The following RAD54B variants were observed in gnomAD, a reference collection of about 807,000 sequenced individuals.
RAD54B encodes RAD54 homolog B, also known as DNA repair and recombination protein RAD54B.
In RAD54B, 78 loss-of-function variants were observed where a neutral mutation model predicts 95.8. That is an observed-to-expected ratio of 0.81 (90% CI 0.68 to 0.98). The LOEUF is 0.98. RAD54B is among the 50% of genes least tolerant of loss of function. RAD54B has a pLI of 0.00. For missense variants in RAD54B, 957 were observed against 1,056.6 expected (o/e 0.91, Z 1.31); for synonymous variants, 328 against 354.9 (o/e 0.92, Z 0.85).
At chr8:94,434,551 G>A (rs558077958) in intron 3 of RAD54B, among the ~76,000 whole-genome samples, 77 of 151,916 alleles carry the variant, frequency 5.1e-4, no homozygotes, top group African/African-American at 1.8e-3. Context: ...GCAAACACTA[G>A]TATTTTCCTT....
chr8:94,469,557 T>C (rs1351905798), intron 1 of RAD54B, among the ~76,000 whole-genome samples: 4 of 152,226 alleles, frequency 2.6e-5, no homozygotes, highest in Admixed American at 1.3e-4. Context: ...ATTTTGATAA[T>C]ACTATAAGCA....
intron 3 of RAD54B, among the ~76,000 whole-genome samples, chr8:94,457,607 A>AT (rs1812808971): frequency 6.6e-6 from 1 of 152,200 alleles, no homozygotes; most frequent in Non-Finnish European, 1.5e-5. Flanking sequence ...AGCCCAACAG[A>AT]TGGGGCCGGC....
chr8:94,454,392 T>C (rs1812735229), intron 3 of RAD54B, among the ~76,000 whole-genome samples: 1 of 152,210 alleles, frequency 6.6e-6, no homozygotes, highest in African/African-American at 2.4e-5. Context: ...GCCACTTAAT[T>C]GTATACTTTA....
intron 3 of RAD54B, 42 bp downstream of exon 3, chr8:94,458,226 T>C: frequency 1.3e-6 from 2 of 1,489,100 alleles, no homozygotes; most frequent in Non-Finnish European, 1.8e-6. Flanking sequence ...ACTGTAATAC[T>C]ATTGGTCAAG....
chr8:94,400,240 G>A lies in RAD54B; in HGVS notation c.1168C>T (p.Gln390Ter). Residue 390 changes from glutamine to a stop codon, truncating the protein, a stop_gained and splice_region_variant, in exon 7 of 15, where the codon CAG (glutamine) becomes TAG (stop). Transcript: ENST00000336148. LOFTEE classifies it high-confidence loss of function. ...SERIKIFTVD[Q>*]DHKVEEFIKS... ...GGCTAAACTTTTAAGTTTCTTACCT[G>A]ATCAACAGTAAATATCTTGATCCTT... The A allele has an allele frequency of 6.2e-7, 1 of 1,610,732 alleles. No homozygotes were observed.
chr8:94,409,768 T>C (rs1432736050), intron 4 of RAD54B, among the ~76,000 whole-genome samples: 1 of 152,162 alleles, frequency 6.6e-6, no homozygotes, highest in Non-Finnish European at 1.5e-5. Flanking sequence ...CATTTTATTA[T>C]AAACTACACA....
At chr8:94,442,624 T>C (rs943374145) in intron 3 of RAD54B, among the ~76,000 whole-genome samples, 4 of 149,826 alleles carry the variant, frequency 2.7e-5, no homozygotes, top group African/African-American at 9.8e-5. Flanking sequence ...GAATAAGATC[T>C]AGTGTTCAGT....
chr8:94,380,285 C>T lies in RAD54B; in HGVS notation c.2107G>A (p.Val703Ile), dbSNP rs1810704096. The change falls in exon 12 of 15, where the codon GTT (valine) becomes ATT (isoleucine). Residue 703 changes from valine (V) to isoleucine (I), a missense_variant. Transcript: ENST00000336148. ...GAGTGTTGACTGTTAAAGCCATCAA[C>T]AATCTGCTGCCTTTGAGAGATTGGT... ...QTPISQRQQI[V>I]DGFNSQHSSF... 1 of 1,613,980 alleles carries T rather than the reference C, an allele frequency of 6.2e-7. No individual in the cohort carries two copies. Among genetic ancestry groups the T allele is most frequent in the Non-Finnish European group, 8.5e-7 (1 of 1,179,998 alleles).
intron 14 of RAD54B, 86 bp from the exon 15 acceptor site, chr8:94,372,473 T>G: frequency 6.6e-7 from 1 of 1,526,104 alleles, no homozygotes; most frequent in Non-Finnish European, 8.7e-7. Context: ...GATAATTAGT[T>G]TATGTGATTT....
intron 4 of RAD54B, among the ~76,000 whole-genome samples, chr8:94,408,085 T>A (rs1811439132): frequency 6.6e-6 from 1 of 152,168 alleles, no homozygotes; most frequent in Non-Finnish European, 1.5e-5. Context: ...GTACCTCTAT[T>A]TTCACTTAGA....
At chr8:94,470,748 ACT>A (rs1813150296) in intron 1 of RAD54B, among the ~76,000 whole-genome samples, 1 of 148,800 alleles carries the variant, frequency 6.7e-6, no homozygotes, top group African/African-American at 2.5e-5. Context: ...ACAGAGCAAC[ACT>A]CTGTCTCAAA....
Position 94,372,174 on chromosome 8 carries a change from G to C in RAD54B, c.2729C>G (p.Thr910Arg). ...AATGTCAGAAGTAATCTTTCACTAT[G>C]TGCCAGTAGCTTGAGTGGTTATATT... ...FQNITTQATG[T>R] The change falls in exon 15 of 15, where the codon ACA becomes AGA. Residue 910 changes from threonine (T) to arginine (R), a missense_variant. Coordinates refer to ENST00000336148, the MANE Select transcript of RAD54B (RefSeq NM_012415.3). 1 of 1,601,490 alleles carries C rather than the reference G, an allele frequency of 6.2e-7. No individual in the cohort carries two copies. Among genetic ancestry groups the C allele is most frequent in the Non-Finnish European group, 8.5e-7 (1 of 1,176,592 alleles).
At chr8:94,432,416 C>T (rs570469619) in intron 3 of RAD54B, 12 of 1,550,366 alleles carry the variant, frequency 7.7e-6, no homozygotes, top group African/African-American at 5.5e-5. Context: ...AAGATGGAGA[C>T]GATGTCATTC....
intron 1 of RAD54B, 138 bp from the exon 2 acceptor site, chr8:94,467,693 C>A: frequency 1.2e-6 from 1 of 837,922 alleles, no homozygotes; most frequent in Non-Finnish European, 1.7e-6. Context: ...AGCATAGAAA[C>A]AAAAGGAAAA....
chr8:94,394,029 G>T, intron 8 of RAD54B, 147 bp from the exon 9 acceptor site: 1 of 696,852 alleles, frequency 1.4e-6, no homozygotes, highest in Non-Finnish European at 2.4e-6. Context: ...CTAAGAAAGA[G>T]CAGTCAAAGC....
At chr8:94,466,883 T>C (rs1813036788) in intron 2 of RAD54B, among the ~76,000 whole-genome samples, 1 of 152,210 alleles carries the variant, frequency 6.6e-6, no homozygotes, top group African/African-American at 2.4e-5. Flanking sequence ...TACTTACTTA[T>C]CATTACCAAA....
intron 5 of RAD54B, among the ~76,000 whole-genome samples, chr8:94,405,359 A>G (rs3019155): frequency 0.25 from 37,775 of 152,084 alleles, 5,585 homozygotes; most frequent in East Asian, 0.43. Flanking sequence ...AAAAAAGAAA[A>G]AAGAATGAGG....
intron 3 of RAD54B, chr8:94,429,984 A>G (rs1213100602): frequency 4.1e-6 from 4 of 985,226 alleles, no homozygotes; most frequent in Non-Finnish European, 4.8e-6. Context: ...AAAGCATTCA[A>G]TGGCTTCTCA....
At chr8:94,408,579 T>G (rs1219710984) in intron 4 of RAD54B, among the ~76,000 whole-genome samples, 3 of 152,148 alleles carry the variant, frequency 2.0e-5, no homozygotes, top group African/African-American at 7.2e-5. Flanking sequence ...ACTAAAATTT[T>G]CTCTACTGAA....
Sources: gnomAD v4.1 joint callset for allele counts (sites outside exome capture counted in the v4.1 genomes callset) on GRCh38, gnomAD v4.1.1 for gene constraint, MANE v1.5 for transcripts, NCBI Gene and HGNC (gene_info 2026-07-23, HGNC 2026-07-21) for gene names.